Variants in SLC6A11 observed in about 807,000 individuals in gnomAD.
The protein encoded by SLC6A11 is sodium- and chloride-dependent GABA transporter 3.
SLC6A11 carries 25 observed loss-of-function variants against 74.8 expected under a neutral mutation model. That is an observed-to-expected ratio of 0.33 (90% CI 0.24 to 0.47). The LOEUF (loss-of-function observed/expected upper bound fraction) is 0.47, where lower values mean the gene tolerates loss of function less well. Among genes scored for constraint, SLC6A11 ranks in the 20% least tolerant of loss-of-function variants. The pLI is 1.00. For missense variants in SLC6A11, 574 were observed against 837.0 expected (o/e 0.69, Z 3.88); for synonymous variants, 330 against 330.2 (o/e 1.00, Z 0.01).
At chr3:10,876,441 AT>A (rs1694907838) in intron 6 of SLC6A11, among the ~76,000 whole-genome samples, 1 of 152,164 alleles carries the variant, frequency 6.6e-6, no homozygotes, top group African/African-American at 2.4e-5. Context: ...AGGTCCATGC[AT>A]TCTGCCTTGA....
At chr3:10,819,950 G>A (rs1035167261) in intron 3 of SLC6A11, 98 bp downstream of exon 3, 31 of 1,301,358 alleles carry the variant, frequency 2.4e-5, no homozygotes, top group Middle Eastern at 2.7e-4. Flanking sequence ...CTGGCCTCTC[G>A]TCATGAGTCC....
intron 5 of SLC6A11, among the ~76,000 whole-genome samples, chr3:10,874,320 G>A (rs1471966133): frequency 1.3e-5 from 2 of 152,186 alleles, no homozygotes; most frequent in East Asian, 1.9e-4. Flanking sequence ...AATTCAACAA[G>A]CACCACTCTC....
chr3:10,827,153 G>A (rs533913841), intron 4 of SLC6A11, among the ~76,000 whole-genome samples: 12 of 152,308 alleles, frequency 7.9e-5, no homozygotes, highest in African/African-American at 2.9e-4. Flanking sequence ...ATCATCCTAT[G>A]AAAAGCTTTT....
At chr3:10,930,676 A>G (rs2106633654) in intron 10 of SLC6A11, among the ~76,000 whole-genome samples, 1 of 152,280 alleles carries the variant, frequency 6.6e-6, no homozygotes, top group African/African-American at 2.4e-5. Context: ...AACGGACAGA[A>G]TTCCAAGAGG....
intron 4 of SLC6A11, chr3:10,824,117 T>G (rs1438005778): frequency 6.6e-6 from 1 of 152,286 alleles, no homozygotes; most frequent in Non-Finnish European, 1.5e-5. Flanking sequence ...CATTGCACAC[T>G]GAACAACCCA....
intron 10 of SLC6A11, among the ~76,000 whole-genome samples, chr3:10,932,869 T>A (rs1695709085): frequency 6.6e-6 from 1 of 152,008 alleles, no homozygotes; most frequent in Non-Finnish European, 1.5e-5. Flanking sequence ...GTCTCCCCCA[T>A]CTCGATTTTC....
chr3:10,901,394 C>T (rs1695238374), intron 6 of SLC6A11, among the ~76,000 whole-genome samples: 1 of 152,238 alleles, frequency 6.6e-6, no homozygotes, highest in Non-Finnish European at 1.5e-5. Flanking sequence ...GGTCGGCCTA[C>T]ACACCCAAAC....
In SLC6A11 at chr3:10,894,468, C is replaced by T. The variant is rs113037835; in HGVS notation, c.892-17622C>T. Among the ~76,000 whole-genome samples, 1,275 of 152,266 alleles carry T rather than the reference C, an allele frequency of 8.4e-3. 21 individuals carry two copies. The highest frequency in any genetic ancestry group is 0.029 in the African/African-American group (1,217 of 41,546). On this transcript the variant is annotated intron_variant, in intron 6 of 13. Transcript: ENST00000254488. ...CGTTTGGCTCCAGGCTCATTTACAC[C>T]ACCTCTCCTCTTGGTGAAGATGATG...
intron 4 of SLC6A11, among the ~76,000 whole-genome samples, chr3:10,837,992 G>C (rs1694388678): frequency 6.6e-6 from 1 of 152,248 alleles, no homozygotes; most frequent in South Asian, 2.1e-4. Context: ...TGCTTTGGGA[G>C]ACCAGCAGGG....
chr3:10,929,014 C>T (rs550704276), intron 9 of SLC6A11, among the ~76,000 whole-genome samples, 188 bp from the exon 10 acceptor site: 1 of 152,330 alleles, frequency 6.6e-6, no homozygotes, highest in Admixed American at 6.5e-5. Flanking sequence ...GCGTCGTCAT[C>T]TGTTAAATGG....
intron 4 of SLC6A11, among the ~76,000 whole-genome samples, chr3:10,835,647 G>A (rs1174359148): frequency 6.6e-6 from 1 of 152,190 alleles, no homozygotes; most frequent in Non-Finnish European, 1.5e-5. Context: ...GGGATCAAGA[G>A]ACAGGTTCAA....
intron 6 of SLC6A11, among the ~76,000 whole-genome samples, chr3:10,909,568 TCACTCTGGCCTGCA>T (rs1695358158): frequency 6.6e-6 from 1 of 152,152 alleles, no homozygotes; most frequent in Non-Finnish European, 1.5e-5. Flanking sequence ...AGGGCTTTGC[TCACTCTGGCCTGCA>T]CACTCTGGCC....
intron 5 of SLC6A11, among the ~76,000 whole-genome samples, chr3:10,860,917 A>T (rs1694695634): frequency 6.6e-6 from 1 of 152,234 alleles, no homozygotes; most frequent in South Asian, 2.1e-4. Context: ...TATACATAAG[A>T]GGTTGAAAAT....
chr3:10,847,372 C>A (rs1053629492), intron 5 of SLC6A11, among the ~76,000 whole-genome samples: 2 of 152,190 alleles, frequency 1.3e-5, no homozygotes, highest in African/African-American at 4.8e-5. Context: ...GCAGCTCTTT[C>A]TAAACAGTAC....
chr3:10,858,902 A>G (rs1218632833), intron 5 of SLC6A11, among the ~76,000 whole-genome samples: 1 of 152,222 alleles, frequency 6.6e-6, no homozygotes, highest in African/African-American at 2.4e-5. Context: ...AGAGAGAGAG[A>G]GAACATGGCT....
intron 5 of SLC6A11, among the ~76,000 whole-genome samples, chr3:10,873,548 T>TCCTATCCTAC (rs1553671160): frequency 7.2e-6 from 1 of 139,268 alleles, no homozygotes; most frequent in African/African-American, 2.8e-5. Flanking sequence ...TCCTATCCTA[T>TCCTATCCTAC]CCTACCCTAC....
At chr3:10,919,221 G>A (rs997999918) in intron 8 of SLC6A11, among the ~76,000 whole-genome samples, 12 of 152,080 alleles carry the variant, frequency 7.9e-5, no homozygotes, top group Non-Finnish European at 1.8e-4. Context: ...TGTGCAAAAT[G>A]GTGAAAAACT....
chr3:10,865,030 C>A (rs769475003), intron 5 of SLC6A11, among the ~76,000 whole-genome samples: 1 of 152,238 alleles, frequency 6.6e-6, no homozygotes, highest in African/African-American at 2.4e-5. Flanking sequence ...GCCTCTTTGT[C>A]TGTGGTCTTG....
At position 10,918,288 on chromosome 3, in the gene SLC6A11, T is replaced by C. The variant is rs753417876; in HGVS notation, c.996-41T>C. On this transcript the variant is annotated intron_variant, in intron 7 of 13. Coordinates refer to ENST00000254488, the MANE Select transcript of SLC6A11 (RefSeq NM_014229.3). This position sits in a 1 kb window ranked among gnomAD's most constrained non-coding sequence, Gnocchi z 4.5. ...GAACGTTTGAGCCGTGCACCGGTTC[T>C]GCCCGCTCTGACCCTAGTGCCTCTC... The C allele has an allele frequency of 2.0e-6, 3 of 1,533,736 alleles. No individual in the cohort carries two copies. In the Admixed American group the frequency reaches 6.4e-5, roughly 33 times the overall value.
Sources: gnomAD v4.1 joint callset for allele counts (sites outside exome capture counted in the v4.1 genomes callset) on GRCh38, gnomAD v4.1.1 for gene constraint, Gnocchi (gnomAD v3.1) non-coding constraint, MANE v1.5 for transcripts, NCBI Gene and HGNC (gene_info 2026-07-23, HGNC 2026-07-21) for gene names.